The following MYO1E variants were observed in gnomAD, a reference collection of about 807,000 sequenced individuals.
MYO1E encodes the protein myosin IE.
In MYO1E, 68 loss-of-function variants were observed where a neutral mutation model predicts 151.1. That is an observed-to-expected ratio of 0.45 (90% CI 0.37 to 0.55). The LOEUF (loss-of-function observed/expected upper bound fraction) is 0.55. Ranked by LOEUF, MYO1E falls within the 20% of genes least tolerant of loss-of-function variation. The pLI, the probability that MYO1E is intolerant of heterozygous loss-of-function variation, is 0.00. For missense variants in MYO1E, 1,363 were observed against 1,389.3 expected, an observed-to-expected ratio of 0.98 and a Z score of 0.30; for synonymous variants, 601 against 501.7, an observed-to-expected ratio of 1.20 and a Z score of -2.64.
rs1450201963 is a variant in MYO1E at position 59,280,643 on chromosome 15, G to A, written c.4-8194C>T. Among the ~76,000 whole-genome samples, 10 of 150,428 alleles carry A rather than the reference G, an allele frequency of 6.6e-5. No homozygotes were observed. The East Asian group carries it at 1.2e-3, about 18-fold the overall frequency. On this transcript the variant is annotated intron_variant, in intron 1 of 27. Transcript: ENST00000288235. Reference sequence around the variant, plus strand: ...ATCTCAAAAAAAAAAAAAAAAGGATGTCTTATAATCAATGATGTGTTATAG... The same window carrying A: ...ATCTCAAAAAAAAAAAAAAAAGGATATCTTATAATCAATGATGTGTTATAG...
At chr15:59,185,564 G>T (rs2079690977) in intron 18 of MYO1E, among the ~76,000 whole-genome samples, 1 of 152,130 alleles carries the variant, frequency 6.6e-6, no homozygotes, top group African/African-American at 2.4e-5. Flanking sequence ...ACCGTGCCCG[G>T]CCCCTCTTAA....
intron 1 of MYO1E, among the ~76,000 whole-genome samples, chr15:59,340,336 G>A (rs1261690999): frequency 1.3e-5 from 2 of 151,628 alleles, no homozygotes; most frequent in Admixed American, 6.6e-5. Context: ...TTTAAACCCC[G>A]CCTGATCGTT....
Position 59,153,650 on chromosome 15 carries a change from C to G in MYO1E, c.3020G>C (p.Arg1007Pro), listed in dbSNP as rs564470291. The change falls in exon 26 of 28, where the codon CGA becomes CCA. Residue 1007 changes from arginine (R) to proline (P), a missense_variant. Physicochemically the swap from Arg to Pro is moderately radical, Grantham distance 103. Coordinates refer to ENST00000288235, the MANE Select transcript of MYO1E (RefSeq NM_004998.4). ...LPRQQSTSSD[R>P]VSQTPESLDF... ...CAGGCTCTCTGGCGTCTGTGACACTCGGTCTGAACTGGTAGACTGCTGCCG... is the reference window on the plus strand; with the variant it reads ...CAGGCTCTCTGGCGTCTGTGACACTGGGTCTGAACTGGTAGACTGCTGCCG... 4.3e-6 allele frequency: 7 copies of G among 1,614,178 alleles called. No individual in the cohort carries two copies. The highest frequency in any genetic ancestry group is 1.7e-5 in the Admixed American group (1 of 60,028).
intron 1 of MYO1E, among the ~76,000 whole-genome samples, chr15:59,302,537 G>T (rs966059123): frequency 2.6e-5 from 4 of 152,160 alleles, no homozygotes; most frequent in Non-Finnish European, 5.9e-5. Flanking sequence ...GAAAAGTTCT[G>T]TGTCTAGGAC....
intron 14 of MYO1E, 48 bp from the exon 15 acceptor site, chr15:59,205,533 T>TTCATTGAACAAAATGTAATA: frequency 1.3e-6 from 2 of 1,520,920 alleles, no homozygotes; most frequent in African/African-American, 1.4e-5. Flanking sequence ...AAAATGTAAT[T>TTCATTGAACAAAATGTAATA]AATTGAACAA....
At chr15:59,353,356 CAA>C (rs1205997737) in intron 1 of MYO1E, among the ~76,000 whole-genome samples, 935 of 57,372 alleles carry the variant, frequency 0.016, 7 homozygotes, top group African/African-American at 0.052. Context: ...GACCCTGTCT[CAA>C]AAAAAAAAAA....
chr15:59,334,379 A>G (rs998376569), intron 1 of MYO1E, among the ~76,000 whole-genome samples: 1 of 152,298 alleles, frequency 6.6e-6, no homozygotes, highest in East Asian at 1.9e-4. Context: ...TACCCCATTT[A>G]TCCTGATGTG....
intron 1 of MYO1E, among the ~76,000 whole-genome samples, chr15:59,341,925 A>G (rs1272634704): frequency 6.6e-6 from 1 of 152,186 alleles, no homozygotes; most frequent in Admixed American, 6.5e-5. Flanking sequence ...CTCTGTTTTT[A>G]GTTTTTAAGG....
chr15:59,332,649 T>C (rs1288943482), intron 1 of MYO1E, among the ~76,000 whole-genome samples: 1 of 152,176 alleles, frequency 6.6e-6, no homozygotes. Flanking sequence ...CCCCATCACT[T>C]AGATCAGGCA....
rs1596351588 is a variant in MYO1E at position 59,173,691 on chromosome 15, T to C, written c.2334+55A>G. Reference sequence around the variant, plus strand: ...ACAACAAAAGCAAAATAACAAGTTATTAAAAAAATAAGGAATCTGTTTGGT... The same window carrying C: ...ACAACAAAAGCAAAATAACAAGTTACTAAAAAAATAAGGAATCTGTTTGGT... On this transcript the variant is annotated intron_variant, in intron 21 of 27. Transcript: ENST00000288235. 8 of 1,595,866 alleles carry C rather than the reference T, an allele frequency of 5.0e-6. No individual in the cohort carries two copies. In the Admixed American group the frequency reaches 1.3e-4, roughly 27 times the overall value.
intron 1 of MYO1E, among the ~76,000 whole-genome samples, chr15:59,287,521 G>A (rs2080394199): frequency 6.6e-6 from 1 of 152,218 alleles, no homozygotes; most frequent in Non-Finnish European, 1.5e-5. Context: ...CCACAAATAG[G>A]TAGATTCTGC....
At chr15:59,188,253 G>A (rs748554754) in intron 17 of MYO1E, 37 bp from the exon 18 acceptor site, 25 of 1,530,978 alleles carry the variant, frequency 1.6e-5, no homozygotes, top group Non-Finnish European at 2.3e-5. Flanking sequence ...GACATTACTG[G>A]ATAATCCTTT....
intron 4 of MYO1E, among the ~76,000 whole-genome samples, chr15:59,239,680 G>T (rs2080088638): frequency 6.6e-6 from 1 of 152,098 alleles, no homozygotes; most frequent in Non-Finnish European, 1.5e-5. Context: ...TCCAAAAATA[G>T]GATATCTGCA....
chr15:59,274,695 C>T (rs567739755), intron 1 of MYO1E, among the ~76,000 whole-genome samples: 1 of 152,310 alleles, frequency 6.6e-6, no homozygotes. Flanking sequence ...GCCTTCCTAG[C>T]GTAACCCAAG....
chr15:59,178,132 G>A (rs564493467), intron 19 of MYO1E, among the ~76,000 whole-genome samples: 9 of 152,356 alleles, frequency 5.9e-5, no homozygotes, highest in Non-Finnish European at 1.3e-4. Context: ...GACAGTCAGC[G>A]AGGAAGGAGC....
In MYO1E at chr15:59,230,367, A is replaced by G. The variant is rs150152122; in HGVS notation, c.510+1335T>C. On this transcript the variant is annotated intron_variant, in intron 6 of 27. Transcript: ENST00000288235. ...GTGTTTTTGTTATTTACAGAAACTGATATATCCTCCAAATATAATGAATAA... is the reference window on the plus strand; with the variant it reads ...GTGTTTTTGTTATTTACAGAAACTGGTATATCCTCCAAATATAATGAATAA... Among the ~76,000 whole-genome samples the G allele has an allele frequency of 2.3e-3, 355 of 152,212 alleles. 3 individuals carry two copies. The highest frequency in any genetic ancestry group is 2.1e-3 in the East Asian group (11 of 5,190).
intron 1 of MYO1E, among the ~76,000 whole-genome samples, chr15:59,276,142 C>T (rs1361093352): frequency 2.6e-5 from 4 of 152,162 alleles, no homozygotes; most frequent in Non-Finnish European, 5.9e-5. Context: ...TTCCTCTACC[C>T]CTGCTGAGAG....
At chr15:59,255,873 T>C (rs1337247971) in intron 4 of MYO1E, among the ~76,000 whole-genome samples, 1 of 152,168 alleles carries the variant, frequency 6.6e-6, no homozygotes, top group Non-Finnish European at 1.5e-5. Context: ...ACTAGAGGGA[T>C]TATGAAATGT....
In MYO1E at chr15:59,223,392, C is replaced by T. The variant is rs1017830909; in HGVS notation, c.778-201G>A. Among the ~76,000 whole-genome samples the T allele has an allele frequency of 7.9e-5, 12 of 152,002 alleles. 1 individual carries two copies. Among genetic ancestry groups the T allele is most frequent in the South Asian group, 6.2e-4 (3 of 4,822 alleles). ...GGCTTAGCTTGTGATGACAGCAGGA[C>T]GTTCTTGTACAACATGGTCACTGCC... On this transcript the variant is annotated intron_variant, in intron 8 of 27. Coordinates refer to ENST00000288235, the MANE Select transcript of MYO1E (RefSeq NM_004998.4).
Sources: allele counts gnomAD v4.1 joint callset (sites outside exome capture counted in the v4.1 genomes callset), GRCh38; gene constraint gnomAD v4.1.1; transcripts MANE v1.5; gene names NCBI Gene and HGNC (gene_info 2026-07-23, HGNC 2026-07-21).